CRHR1: variants seen among roughly 807,000 people sequenced by gnomAD.
CRHR1 encodes corticotropin-releasing hormone receptor 1.
Under a neutral mutation model 56.0 loss-of-function variants are expected in CRHR1, and 28 were observed. That is an observed-to-expected ratio of 0.50 (90% CI 0.37 to 0.69). CRHR1 has a LOEUF of 0.69. Among genes scored for constraint, CRHR1 ranks in the 30% least tolerant of loss-of-function variants. CRHR1 has a pLI of 0.00. For synonymous variants in CRHR1, 195 were observed against 216.5 expected, an observed-to-expected ratio of 0.90 and a Z score of 0.87; for missense variants, 376 against 548.0, an observed-to-expected ratio of 0.69 and a Z score of 3.13.
chr17:45,789,035 C>T (rs2061382258), intron 1 of CRHR1, among the ~76,000 whole-genome samples: 1 of 152,210 alleles, frequency 6.6e-6, no homozygotes, highest in South Asian at 2.1e-4. Flanking sequence ...AACACACAAC[C>T]AGTGCAGCAC....
chr17:45,822,471 G>C (rs941754286), intron 4 of CRHR1, among the ~76,000 whole-genome samples: 1 of 152,348 alleles, frequency 6.6e-6, no homozygotes, highest in East Asian at 1.9e-4. Context: ...CAGGCTGTCC[G>C]AGGGCCAGGG....
intron 8 of CRHR1, among the ~76,000 whole-genome samples, chr17:45,832,014 A>G (rs961506816): frequency 1.3e-5 from 2 of 152,126 alleles, no homozygotes; most frequent in African/African-American, 4.8e-5. Context: ...TGAGGTCAGG[A>G]GTTTGAGACC....
intron 3 of CRHR1, among the ~76,000 whole-genome samples, chr17:45,816,962 G>A (rs550560681): frequency 6.6e-6 from 1 of 152,178 alleles, no homozygotes; most frequent in Non-Finnish European, 1.5e-5. Flanking sequence ...ATGAAGCAGG[G>A]CAGGAATCAT....
At position 45,807,008 on chromosome 17, in the gene CRHR1, A is replaced by C. The variant is rs1325251118; in HGVS notation, c.34-2A>C. 6.2e-7 allele frequency: 1 copy of C among 1,613,642 alleles called. No individual in the cohort carries two copies. The highest frequency in any genetic ancestry group is 8.5e-7 in the Non-Finnish European group (1 of 1,179,832). On this transcript the variant is annotated splice_acceptor_variant, in intron 1 of 12. Coordinates refer to ENST00000314537, the MANE Select transcript of CRHR1 (RefSeq NM_004382.5). LOFTEE classifies it high-confidence loss of function. ...TGTGTCCTTCGCCTCCTGTGCCTGC[A>C]GGCCCTTCTCCTTCTGGGGCTGAAC...
intron 8 of CRHR1, 27 bp from the exon 9 acceptor site, chr17:45,833,111 C>T (rs1478490461): frequency 1.3e-6 from 2 of 1,597,752 alleles, no homozygotes; most frequent in Non-Finnish European, 1.7e-6. Flanking sequence ...GATGACCCTT[C>T]CTCCCCTTTC....
At chr17:45,829,972 G>A in intron 5 of CRHR1, 122 bp from the exon 6 acceptor site, 1 of 1,486,428 alleles carries the variant, frequency 6.7e-7, no homozygotes, top group Admixed American at 1.8e-5. Flanking sequence ...GACTTGGCCA[G>A]TCAGCCCCAC....
chr17:45,830,441 G>A lies in CRHR1; in HGVS notation c.580G>A (p.Ala194Thr), dbSNP rs749931485. 27 of 1,612,482 alleles carry A rather than the reference G, an allele frequency of 1.7e-5. No individual in the cohort carries two copies. The highest frequency in any genetic ancestry group is 6.7e-5 in the African/African-American group (5 of 74,896). Residue 194 changes from alanine to threonine, a missense_variant, in exon 7 of 13, where the codon GCC becomes ACC. This residue lies in a region of CRHR1 where 369 missense variants were observed against 519.5 expected (regional missense o/e 0.71). Coordinates refer to ENST00000314537, the MANE Select transcript of CRHR1 (RefSeq NM_004382.5). Reference sequence around the variant, plus strand: ...GGGCTGGTGCAGGTTGGTGACAGCCGCCTACAACTACTTCCATGTGACCAA... The same window carrying A: ...GGGCTGGTGCAGGTTGGTGACAGCCACCTACAACTACTTCCATGTGACCAA... The part of the protein sequence containing the change: ...NVGWCRLVTA[A>T]YNYFHVTNFF...
chr17:45,824,308 G>A (rs2062110291), intron 4 of CRHR1, among the ~76,000 whole-genome samples: 1 of 152,202 alleles, frequency 6.6e-6, no homozygotes, highest in African/African-American at 2.4e-5. Context: ...TTGCAGAGAG[G>A]GATGGTGTCC....
At position 45,830,887 on chromosome 17, in the gene CRHR1, C is replaced by T. The variant is rs766037747; in HGVS notation, c.717C>T (p.Pro239=). Residue 239 remains proline, a synonymous_variant, in exon 8 of 13, where the codon CCC becomes CCT. Transcript: ENST00000314537. ...WMFICIGWGV[P]FPIIVAWAIG... is the part of the protein sequence containing the mutation. ...AGCCCATCTCTCCCCCAGGTGTGCC[C>T]TTCCCCATCATTGTGGCCTGGGCCA... 1.2e-6 allele frequency: 2 copies of T among 1,613,906 alleles called. No homozygotes were observed. Among genetic ancestry groups the T allele is most frequent in the Non-Finnish European group, 1.7e-6 (2 of 1,179,890 alleles).
At chr17:45,801,967 A>G (rs2061631276) in intron 1 of CRHR1, among the ~76,000 whole-genome samples, 1 of 151,432 alleles carries the variant, frequency 6.6e-6, no homozygotes, top group Non-Finnish European at 1.5e-5. Context: ...TTATTTGCAA[A>G]TCTTCACACT....
At chr17:45,813,880 T>C (rs1311897057) in intron 2 of CRHR1, among the ~76,000 whole-genome samples, 1 of 152,136 alleles carries the variant, frequency 6.6e-6, no homozygotes, top group Non-Finnish European at 1.5e-5. Flanking sequence ...CCCTTGAAGG[T>C]CTCCACGTCC....
chr17:45,828,939 G>A lies in CRHR1; in HGVS notation c.328-276G>A, dbSNP rs532084944. ...CACATGTGCTTGTGCATGCAGGGGC[G>A]GGGGGTCCATGTGGAGTGGGGAATC... On this transcript the variant is annotated intron_variant, in intron 4 of 12. Coordinates refer to ENST00000314537, the MANE Select transcript of CRHR1 (RefSeq NM_004382.5). Among the ~76,000 whole-genome samples the A allele has an allele frequency of 1.8e-4, 27 of 152,300 alleles. 1 individual carries two copies. The South Asian group carries it at 3.5e-3, about 20-fold the overall frequency.
intron 2 of CRHR1, among the ~76,000 whole-genome samples, chr17:45,809,749 TG>T (rs377113382): frequency 1.1e-4 from 16 of 152,282 alleles, no homozygotes; most frequent in African/African-American, 3.6e-4. Context: ...CCAGGGCCTT[TG>T]GGGGGCCTTT....
At chr17:45,811,029 G>A (rs12939006) in intron 2 of CRHR1, among the ~76,000 whole-genome samples, 4,499 of 152,342 alleles carry the variant, frequency 0.03, 75 homozygotes, top group Non-Finnish European at 0.043. Context: ...CCAAATAGGG[G>A]GAAGGGCTTC....
At position 45,784,531 on chromosome 17, in the gene CRHR1, G is replaced by T. The variant is rs776022732; in HGVS notation, c.-14G>T. 1 of 1,548,046 alleles carries T rather than the reference G, an allele frequency of 6.5e-7. No individual in the cohort carries two copies. The highest frequency in any genetic ancestry group is 8.7e-7 in the Non-Finnish European group (1 of 1,146,936). On this transcript the variant is annotated 5_prime_UTR_variant, in exon 1 of 13. Transcript: ENST00000314537. The surrounding 1 kb of genome is among the most constrained non-coding windows in gnomAD (Gnocchi z 4.2). Reference sequence around the variant, plus strand: ...GACCCGGGCATTCAGGACGGTAGCCGAGCGAGCCCGAGGATGGGAGGGCAC... The same window carrying T: ...GACCCGGGCATTCAGGACGGTAGCCTAGCGAGCCCGAGGATGGGAGGGCAC...
chr17:45,804,181 C>T (rs1415606498), intron 1 of CRHR1, among the ~76,000 whole-genome samples: 1 of 152,188 alleles, frequency 6.6e-6, no homozygotes, highest in Non-Finnish European at 1.5e-5. Context: ...ATCATCACTC[C>T]TGAGTCCCAG....
At chr17:45,830,816 G>T (rs1029102015) in intron 7 of CRHR1, 64 bp from the exon 8 acceptor site, 5 of 1,538,090 alleles carry the variant, frequency 3.3e-6, no homozygotes, top group Non-Finnish European at 2.7e-6. Context: ...CTGCACTGGG[G>T]TTCTCCAGGC....
At chr17:45,786,932 T>C (rs2061347783) in intron 1 of CRHR1, among the ~76,000 whole-genome samples, 1 of 152,200 alleles carries the variant, frequency 6.6e-6, no homozygotes, top group Non-Finnish European at 1.5e-5. Context: ...TGAGCCACCA[T>C]GCCCGGCCAT....
At chr17:45,812,500 G>C (rs547828663) in intron 2 of CRHR1, among the ~76,000 whole-genome samples, 1 of 152,216 alleles carries the variant, frequency 6.6e-6, no homozygotes, top group African/African-American at 2.4e-5. Context: ...CCTGCCAGGA[G>C]AGCAGAAGAG....
Sources: gnomAD v4.1 joint callset for allele counts (sites outside exome capture counted in the v4.1 genomes callset) on GRCh38, gnomAD v4.1.1 for gene constraint, gnomAD v4.1.1 regional missense constraint, Gnocchi (gnomAD v3.1) non-coding constraint, MANE v1.5 for transcripts, NCBI Gene and HGNC (gene_info 2026-07-23, HGNC 2026-07-21) for gene names.